Variants in CIZ1 observed in about 807,000 individuals in gnomAD.
The protein encoded by CIZ1 is cip1-interacting zinc finger protein.
CIZ1 carries 58 observed loss-of-function variants against 118.6 expected under a neutral mutation model. That is an observed-to-expected ratio of 0.49 (90% confidence interval 0.40 to 0.61). The LOEUF is 0.61. Among genes scored for constraint, CIZ1 ranks in the 20% least tolerant of loss-of-function variants. The pLI, the probability that CIZ1 is intolerant of heterozygous loss-of-function variation, is 0.00. For synonymous variants in CIZ1, 448 were observed against 443.4 expected, an observed-to-expected ratio of 1.01 and a Z score of -0.13; for missense variants, 921 against 1,115.9, an observed-to-expected ratio of 0.83 and a Z score of 2.49.
upstream of CIZ1, among the ~76,000 whole-genome samples, chr9:128,196,679 A>G (rs374919467): frequency 7.5e-4 from 114 of 152,154 alleles, 1 homozygote; most frequent in African/African-American, 2.6e-3. Flanking sequence ...TCTCTGCTCA[A>G]TGCAACCTCC....
Position 128,185,627 on chromosome 9 carries a change from T to A in CIZ1, c.508A>T (p.Asn170Tyr). ...CCTGAAAGGTTGAACTGGGAAGGGT[T>A]CATGGGGACCCCAACAGGAGGAGGT... ...LGPPPVGVPM[N>Y]PSQFNLSGRN... The change falls in exon 5 of 17, where the codon AAC (asparagine) becomes TAC (tyrosine). Residue 170 changes from asparagine (N) to tyrosine (Y), a missense_variant. By Grantham distance (143) the Asn-to-Tyr change is moderately radical. Coordinates refer to ENST00000372938, the MANE Select transcript of CIZ1 (RefSeq NM_001131016.2). 1 of 1,570,334 alleles carries A rather than the reference T, an allele frequency of 6.4e-7. No individual in the cohort carries two copies. The highest frequency in any genetic ancestry group is 8.6e-7 in the Non-Finnish European group (1 of 1,157,620).
intron 4 of CIZ1, among the ~76,000 whole-genome samples, chr9:128,186,100 G>A (rs558034314): frequency 6.6e-6 from 1 of 152,146 alleles, no homozygotes; most frequent in Admixed American, 6.5e-5. Flanking sequence ...ACAGCCCATA[G>A]GGAGAACCAG....
rs1323413897 is a variant in CIZ1 at position 128,166,604 on chromosome 9, C to G, written c.2487+155G>C. On this transcript the variant is annotated intron_variant, in intron 16 of 16. Coordinates refer to ENST00000372938, the MANE Select transcript of CIZ1 (RefSeq NM_001131016.2). The surrounding 1 kb of genome is among the most constrained non-coding windows in gnomAD (Gnocchi z 4.4). ...TCCCCTTGAACAATAAGAGCCCAAC[C>G]CCACCCCAGCTCTAATTCTCTCCCT... is the stretch of plus-strand genomic sequence containing the variant. 9 of 1,093,998 alleles carry G rather than the reference C, an allele frequency of 8.2e-6. No individual in the cohort carries two copies. The highest frequency in any genetic ancestry group is 1.2e-5 in the Non-Finnish European group (9 of 752,398). The allele number at this position is 1,093,998 out of a possible 1,614,324, so 67.8% of individuals were successfully genotyped here. A position where few individuals can be genotyped will look rare whatever the true frequency, so the allele number is the denominator to read the frequency against.
At chr9:128,187,697 G>A (rs1441205073) in intron 4 of CIZ1, among the ~76,000 whole-genome samples, 166 bp downstream of exon 4, 1 of 151,944 alleles carries the variant, frequency 6.6e-6, no homozygotes, top group African/African-American at 2.4e-5. Flanking sequence ...AAAGGACATG[G>A]ACAAGTCACA....
chr9:128,189,040 G>A (rs868754902), intron 3 of CIZ1, among the ~76,000 whole-genome samples: 8 of 151,766 alleles, frequency 5.3e-5, no homozygotes, highest in East Asian at 3.9e-4. Context: ...CTCGTGATCC[G>A]CCCACCTCGG....
intron 5 of CIZ1, among the ~76,000 whole-genome samples, chr9:128,185,313 A>T (rs752453581): frequency 1.3e-5 from 2 of 152,198 alleles, no homozygotes; most frequent in Non-Finnish European, 2.9e-5. Context: ...TAAGTAAATG[A>T]TAGTACTGGT....
At chr9:128,182,671 A>G (rs1465698096) in intron 5 of CIZ1, among the ~76,000 whole-genome samples, 2 of 152,038 alleles carry the variant, frequency 1.3e-5, no homozygotes, top group Admixed American at 6.6e-5. Flanking sequence ...GTCAAGCCCC[A>G]GGCCCGTCCC....
chr9:128,203,399 G>C lies in CIZ1; in HGVS notation c.-6+787C>G. On this transcript the variant is annotated intron_variant, in intron 1 of 17. Coordinates refer to the CIZ1 transcript ENST00000372948. The surrounding 1 kb of genome is among the most constrained non-coding windows in gnomAD (Gnocchi z 5.3). ...CAGGCAGTCTGGGCGCGCGGCTGCA[G>C]CGGCGGAGCCGGAGTCGGAGCCGGG... is the stretch of plus-strand genomic sequence containing the variant. 7.6e-7 allele frequency: 1 copy of C among 1,320,138 alleles called. No homozygotes were observed. Among genetic ancestry groups the C allele is most frequent in the African/African-American group, 1.6e-5 (1 of 64,276 alleles). 81.8% of individuals were successfully genotyped at this position (1,320,138 alleles called of 1,614,324 possible). A position where few individuals can be genotyped will look rare whatever the true frequency, so the allele number is the denominator to read the frequency against.
rs181337571 is a variant in CIZ1 at position 128,181,264 on chromosome 9, C to T, written c.589-450G>A. On this transcript the variant is annotated intron_variant, in intron 5 of 16. Transcript: ENST00000372938. ...CCAAATAGCTGGGATTACAGGCACA[C>T]GCCACCACGCCTGGCTAATTTTTGT... 1.4e-3 allele frequency among the ~76,000 whole-genome samples: 218 copies of T among 152,230 alleles called. 1 individual carries two copies. Among genetic ancestry groups the T allele is most frequent in the Admixed American group, 4.8e-3 (74 of 15,286 alleles).
At chr9:128,200,603 A>G (rs1303473456) in intron 1 of CIZ1, among the ~76,000 whole-genome samples, 2 of 150,998 alleles carry the variant, frequency 1.3e-5, no homozygotes, top group South Asian at 2.1e-4. Flanking sequence ...GGTTGCAGTG[A>G]GCTGAGATCA....
Position 128,166,287 on chromosome 9 carries a change from C to G in CIZ1, c.2607G>C (p.Gln869His). The change falls in exon 17 of 17, where the codon CAG (glutamine) becomes CAC (histidine). Residue 869 changes from glutamine to histidine, a missense_variant. Physicochemically the swap from Gln to His is conservative, Grantham distance 24. Coordinates refer to ENST00000372938, the MANE Select transcript of CIZ1 (RefSeq NM_001131016.2). This position sits in a 1 kb window ranked among gnomAD's most constrained non-coding sequence, Gnocchi z 4.4. ...TGGGTGTTTTGTCCTGGGTGTTGGG[C>G]TGGGAGGGTGGGCGGCCGCTGGAGG... The part of the protein sequence containing the change: ...LFTSSGRPPS[Q>H]PNTQDKTPSK... 2 of 506,782 alleles carry G rather than the reference C, an allele frequency of 3.9e-6. No homozygotes were observed. The highest frequency in any genetic ancestry group is 7.5e-6 in the Non-Finnish European group (2 of 265,052). 31.4% of individuals were successfully genotyped at this position (506,782 alleles called of 1,614,324 possible).
At position 128,180,499 on chromosome 9, in the gene CIZ1, T is replaced by C. The variant is rs746326674; in HGVS notation, c.707A>G (p.Glu236Gly). Residue 236 changes from glutamate to glycine, a missense_variant, in exon 7 of 17, where the codon GAG becomes GGG. Coordinates refer to ENST00000372938, the MANE Select transcript of CIZ1 (RefSeq NM_001131016.2). ...PEDQDLPPCPEDIAKEKRTPA... is the reference protein window; with the variant it reads ...PEDQDLPPCPGDIAKEKRTPA... ...AGTGCGTTTTTCCTTGGCGATGTCC[T>C]CTGGGCAGGGCGGTAAATCTTGGTC... is the stretch of plus-strand genomic sequence containing the variant. 18 of 1,614,006 alleles carry C rather than the reference T, an allele frequency of 1.1e-5. No individual in the cohort carries two copies. Among genetic ancestry groups the C allele is most frequent in the Non-Finnish European group, 1.5e-5 (18 of 1,180,016 alleles).
Position 128,187,711 on chromosome 9 carries a change from A to G in CIZ1, c.358+152T>C, listed in dbSNP as rs1832554390. On this transcript the variant is annotated intron_variant, in intron 4 of 16. Coordinates refer to ENST00000372938, the MANE Select transcript of CIZ1 (RefSeq NM_001131016.2). ...CAAAGGACATGGACAAGTCACAAAAAGAAATAAAATGTTCAACAGACAAAT... is the reference window on the plus strand; with the variant it reads ...CAAAGGACATGGACAAGTCACAAAAGGAAATAAAATGTTCAACAGACAAAT... The G allele has an allele frequency of 2.0e-5, 6 of 301,764 alleles. No individual in the cohort carries two copies. The South Asian group carries it at 8.4e-4, about 42-fold the overall frequency. The allele number at this position is 301,764 out of a possible 1,614,324, so 18.7% of individuals were successfully genotyped here.
chr9:128,197,632 C>T (rs1833408350), intron 1 of CIZ1: 1 of 152,256 alleles, frequency 6.6e-6, no homozygotes, highest in Non-Finnish European at 1.5e-5. Flanking sequence ...ACTTAGGGCT[C>T]TAGTTTGGCC....
intron 14 of CIZ1, 104 bp from the exon 15 acceptor site, chr9:128,167,268 C>A: frequency 1.2e-6 from 1 of 833,618 alleles, no homozygotes; most frequent in South Asian, 1.8e-5. Flanking sequence ...CACACAGAAT[C>A]CCCTTGATTT....
chr9:128,173,923 G>C (rs543009039), intron 11 of CIZ1, among the ~76,000 whole-genome samples: 5 of 152,030 alleles, frequency 3.3e-5, no homozygotes, highest in South Asian at 2.1e-4. Flanking sequence ...GGAGAATGGC[G>C]TGAACCCAGG....
chr9:128,180,248 G>A (rs144276502), intron 7 of CIZ1, among the ~76,000 whole-genome samples, 167 bp downstream of exon 7: 47 of 152,270 alleles, frequency 3.1e-4, no homozygotes, highest in African/African-American at 1.1e-3. Flanking sequence ...GCTTCCCCAG[G>A]TCAGGTGCGG....
At chr9:128,178,653 G>C in intron 8 of CIZ1, 56 bp downstream of exon 8, 2 of 1,583,584 alleles carry the variant, frequency 1.3e-6, no homozygotes, top group Non-Finnish European at 1.7e-6. Flanking sequence ...GAGGAATGAA[G>C]GGTCTGGGCA....
intron 4 of CIZ1, 32 bp from the exon 5 acceptor site, chr9:128,185,808 A>G (rs1205023329): frequency 1.5e-5 from 23 of 1,513,064 alleles, no homozygotes; most frequent in Non-Finnish European, 2.0e-5. Context: ...AAGAGGGGTC[A>G]CAATGTGGTC....
Sources: gnomAD v4.1 joint callset for allele counts (sites outside exome capture counted in the v4.1 genomes callset) on GRCh38, gnomAD v4.1.1 for gene constraint, Gnocchi (gnomAD v3.1) non-coding constraint, MANE v1.5 for transcripts, NCBI Gene and HGNC (gene_info 2026-07-23, HGNC 2026-07-21) for gene names.